The following USH2A variants were observed in gnomAD, a reference collection of about 807,000 sequenced individuals.
USH2A encodes usherin, also known as Usher syndrome 2A (autosomal recessive, mild).
USH2A carries 443 observed loss-of-function variants against 538.9 expected under a neutral mutation model. That is an observed-to-expected ratio of 0.82 (90% CI 0.76 to 0.89). USH2A has a LOEUF of 0.89. Ranked by LOEUF, USH2A falls within the 40% of genes least tolerant of loss-of-function variation. The pLI is 0.00. For synonymous variants in USH2A, 2,413 were observed against 2,273.5 expected (o/e 1.06, Z -1.75); for missense variants, 6,633 against 6,324.8 (o/e 1.05, Z -1.65).
At position 216,151,129 on chromosome 1, in the gene USH2A, A is replaced by T. The variant is rs182675553; in HGVS notation, c.4627+24123T>A. On this transcript the variant is annotated intron_variant, in intron 21 of 71. Transcript: ENST00000307340. ...GCTCGTAGATACTCAACGTTTTCTC[A>T]TACACCATGAAAATCGAACCTCCCC... Among the ~76,000 whole-genome samples, 752 of 152,112 alleles carry T rather than the reference A, an allele frequency of 4.9e-3. 4 individuals are homozygous for T. Among genetic ancestry groups the T allele is most frequent in the African/African-American group, 0.017 (713 of 41,486 alleles).
Position 215,671,018 on chromosome 1 carries a change from G to A in USH2A, c.14087C>T (p.Ser4696Phe), listed in dbSNP as rs1274126496. 6 of 1,614,016 alleles carry A rather than the reference G, an allele frequency of 3.7e-6. No individual in the cohort carries two copies. The highest frequency in any genetic ancestry group is 5.1e-6 in the Non-Finnish European group (6 of 1,180,016). ...AGGCAATAGTTCGGAATCTATAAAA[G>A]ATGTTGAGCTTCCGTTATAGATTAG... ...PVLIYNGSST[S>F]FIDSELLPFT... The change falls in exon 64 of 72, where the codon TCT becomes TTT. Residue 4696 changes from serine (S) to phenylalanine (F), a missense_variant. Coordinates refer to ENST00000307340, the MANE Select transcript of USH2A (RefSeq NM_206933.4).
At position 215,790,168 on chromosome 1, in the gene USH2A, C is replaced by T. The variant is rs148660051; in HGVS notation, c.10073G>A (p.Cys3358Tyr). 1.0e-3 allele frequency: 1,615 copies of T among 1,613,914 alleles called. 3 individuals carry two copies. The highest frequency in any genetic ancestry group is 1.3e-3 in the Non-Finnish European group (1,547 of 1,179,996). ...CTTTGGAATAAGTTCAGTCTCACAG[C>T]ATTTTACTGGCACCGGGTCATTCTT... ...IKKNDPVPVK[C>Y]CETELIPKSQ... is the part of the protein sequence containing the mutation. Residue 3358 changes from cysteine (C) to tyrosine (Y), a missense_variant, in exon 51 of 72, where the codon TGC becomes TAC. Cys to Tyr is a radical substitution (Grantham distance 194). Coordinates refer to ENST00000307340, the MANE Select transcript of USH2A (RefSeq NM_206933.4).
At chr1:215,640,456 T>A in intron 68 of USH2A, 102 bp downstream of exon 68, 1 of 1,495,328 alleles carries the variant, frequency 6.7e-7, no homozygotes, top group Non-Finnish European at 9.3e-7. Context: ...AACCAAGACA[T>A]TTTAATGGTG....
intron 43 of USH2A, among the ~76,000 whole-genome samples, chr1:215,875,481 A>G (rs1420433180): frequency 6.6e-6 from 1 of 152,112 alleles, no homozygotes; most frequent in African/African-American, 2.4e-5. Context: ...ATGTCAATTC[A>G]TGTTTCAATT....
chr1:216,221,002 G>C (rs2035448799), intron 14 of USH2A, among the ~76,000 whole-genome samples: 1 of 152,106 alleles, frequency 6.6e-6, no homozygotes, highest in Admixed American at 6.6e-5. Context: ...ATTCGGCAGA[G>C]TTTTTTTGTT....
At chr1:215,882,868 A>T (rs1981228) in intron 41 of USH2A, among the ~76,000 whole-genome samples, 80,269 of 151,968 alleles carry the variant, frequency 0.53, 21,445 homozygotes, top group East Asian at 0.62. Flanking sequence ...CTAAAAATAA[A>T]ATTTGAAAAT....
chr1:215,706,785 T>A (rs1031372411), intron 61 of USH2A, among the ~76,000 whole-genome samples: 1 of 152,214 alleles, frequency 6.6e-6, no homozygotes, highest in Non-Finnish European at 1.5e-5. Flanking sequence ...TTATGTCAGG[T>A]TCAGCATTGA....
chr1:216,311,290 C>G (rs555057888), intron 9 of USH2A, among the ~76,000 whole-genome samples: 194 of 152,202 alleles, frequency 1.3e-3, no homozygotes, highest in Non-Finnish European at 2.2e-3. Context: ...GGTCTCTTTC[C>G]GGTAACCCAG....
chr1:215,907,217 A>G (rs1449225392), intron 38 of USH2A, among the ~76,000 whole-genome samples: 2 of 151,988 alleles, frequency 1.3e-5, no homozygotes, highest in Non-Finnish European at 2.9e-5. Flanking sequence ...ACTGAGCTGC[A>G]TGCAGCAGGC....
At chr1:215,963,982 G>C (rs1408864666) in intron 37 of USH2A, among the ~76,000 whole-genome samples, 1 of 152,082 alleles carries the variant, frequency 6.6e-6, no homozygotes, top group Non-Finnish European at 1.5e-5. Context: ...AGGGCTGTTC[G>C]GTAAATGGGT....
intron 3 of USH2A, among the ~76,000 whole-genome samples, chr1:216,365,324 T>C (rs1313177248): frequency 6.6e-6 from 1 of 152,184 alleles, no homozygotes; most frequent in Non-Finnish European, 1.5e-5. Flanking sequence ...GTATACATAA[T>C]AGTTTGTCCC....
chr1:216,102,368 AT>A (rs1157309010), intron 21 of USH2A, among the ~76,000 whole-genome samples: 3 of 149,464 alleles, frequency 2.0e-5, no homozygotes, highest in Non-Finnish European at 3.0e-5. Context: ...TATTACATAT[AT>A]TTTTATATAT....
chr1:215,735,541 T>C (rs1274271067), intron 60 of USH2A, among the ~76,000 whole-genome samples: 1 of 152,168 alleles, frequency 6.6e-6, no homozygotes, highest in East Asian at 1.9e-4. Context: ...TATTATTTTG[T>C]CTTTACTAGA....
chr1:215,979,821 A>T lies in USH2A; in HGVS notation c.6806-9045T>A, dbSNP rs894039918. ...TTATCAAACATGAACAATGACGTTAATCTCATAAAAGCCTACTTCCAAAGT... is the reference window on the plus strand; with the variant it reads ...TTATCAAACATGAACAATGACGTTATTCTCATAAAAGCCTACTTCCAAAGT... On this transcript the variant is annotated intron_variant, in intron 35 of 71. Transcript: ENST00000307340. Among the ~76,000 whole-genome samples, 9 of 152,196 alleles carry T rather than the reference A, an allele frequency of 5.9e-5. 1 individual carries two copies. The highest frequency in any genetic ancestry group is 1.7e-4 in the African/African-American group (7 of 41,456).
chr1:215,719,181 T>A (rs747697972), intron 61 of USH2A, among the ~76,000 whole-genome samples: 5 of 151,896 alleles, frequency 3.3e-5, no homozygotes, highest in Non-Finnish European at 7.4e-5. Context: ...AAATACCTCA[T>A]CATGTTCTGC....
At chr1:216,169,885 G>T (rs1035590123) in intron 21 of USH2A, among the ~76,000 whole-genome samples, 1 of 151,880 alleles carries the variant, frequency 6.6e-6, no homozygotes, top group Non-Finnish European at 1.5e-5. Flanking sequence ...TAACATCAAA[G>T]GTTAGGTAAA....
intron 3 of USH2A, among the ~76,000 whole-genome samples, chr1:216,396,108 G>A (rs1461858428): frequency 1.3e-5 from 2 of 151,856 alleles, no homozygotes; most frequent in Non-Finnish European, 2.9e-5. Context: ...ACCAGTTTAA[G>A]AAATATGTAA....
At chr1:215,861,551 A>G (rs1388423650) in intron 44 of USH2A, among the ~76,000 whole-genome samples, 1 of 152,214 alleles carries the variant, frequency 6.6e-6, no homozygotes, top group Non-Finnish European at 1.5e-5. Context: ...TGGGTGTTGT[A>G]CACGACTGCA....
At chr1:216,163,378 T>C (rs897149722) in intron 21 of USH2A, among the ~76,000 whole-genome samples, 7 of 152,060 alleles carry the variant, frequency 4.6e-5, no homozygotes, top group Non-Finnish European at 7.4e-5. Context: ...GATATATGCA[T>C]ATATATCTAC....
Sources: gnomAD v4.1 joint callset for allele counts (sites outside exome capture counted in the v4.1 genomes callset) on GRCh38, gnomAD v4.1.1 for gene constraint, MANE v1.5 for transcripts, NCBI Gene and HGNC (gene_info 2026-07-23, HGNC 2026-07-21) for gene names.